Variants in TCERG1L observed in about 807,000 individuals in gnomAD.
The protein encoded by TCERG1L is transcription elongation regulator 1 like, also known as transcription elongation regulator 1-like protein.
Under a neutral mutation model 56.3 loss-of-function variants are expected in TCERG1L, and 37 were observed. That is an observed-to-expected ratio of 0.66 (90% CI 0.51 to 0.87). The LOEUF (loss-of-function observed/expected upper bound fraction) is 0.87, where lower values mean the gene tolerates loss of function less well. TCERG1L is among the 40% of genes least tolerant of loss of function. The pLI is 0.00. For synonymous variants in TCERG1L, 324 were observed against 326.3 expected (o/e 0.99, Z 0.08); for missense variants, 799 against 774.2 (o/e 1.03, Z -0.38).
chr10:131,119,349 T>C (rs1252075163), intron 8 of TCERG1L, among the ~76,000 whole-genome samples: 1 of 152,236 alleles, frequency 6.6e-6, no homozygotes, highest in Non-Finnish European at 1.5e-5. Context: ...ACTGTATTTA[T>C]AGACCCACTA....
intron 8 of TCERG1L, among the ~76,000 whole-genome samples, chr10:131,125,220 G>GGTGATGATGATGATT (rs1845553746): frequency 1.3e-5 from 2 of 152,020 alleles, no homozygotes; most frequent in Non-Finnish European, 2.9e-5. Context: ...TGATGATGAT[G>GGTGATGATGATGATT]GTGGTGGTGA....
chr10:131,154,362 T>A lies in TCERG1L; in HGVS notation c.1035-7702A>T, dbSNP rs753258871. Reference sequence around the variant, plus strand: ...CAGCTGGCTGGTGGGGAGGGAATGCTCCCCTCCCAGTCCCCCACTACACAA... The same window carrying A: ...CAGCTGGCTGGTGGGGAGGGAATGCACCCCTCCCAGTCCCCCACTACACAA... On this transcript the variant is annotated intron_variant, in intron 6 of 11. Coordinates refer to ENST00000368642, the MANE Select transcript of TCERG1L (RefSeq NM_174937.4). Among the ~76,000 whole-genome samples the A allele has an allele frequency of 9.1e-4, 138 of 152,136 alleles. 1 individual carries two copies. The highest frequency in any genetic ancestry group is 1.2e-3 in the Non-Finnish European group (82 of 67,984).
At chr10:131,164,383 A>T (rs952274256) in intron 5 of TCERG1L, among the ~76,000 whole-genome samples, 1 of 152,222 alleles carries the variant, frequency 6.6e-6, no homozygotes, top group Non-Finnish European at 1.5e-5. Context: ...TGTATGACAG[A>T]CCGCAGGTCT....
chr10:131,241,314 T>C (rs1273613631), intron 4 of TCERG1L, among the ~76,000 whole-genome samples: 1 of 151,926 alleles, frequency 6.6e-6, no homozygotes, highest in East Asian at 1.9e-4. Flanking sequence ...TAGGAAAAAG[T>C]CAAAGAGGCA....
At chr10:131,203,700 C>T (rs1456318959) in intron 4 of TCERG1L, among the ~76,000 whole-genome samples, 1 of 152,160 alleles carries the variant, frequency 6.6e-6, no homozygotes, top group Non-Finnish European at 1.5e-5. Context: ...CCAGTAGGGG[C>T]CGGGAGGTGG....
intron 3 of TCERG1L, among the ~76,000 whole-genome samples, chr10:131,262,756 T>C (rs1339090962): frequency 1.3e-5 from 2 of 152,138 alleles, no homozygotes; most frequent in Non-Finnish European, 2.9e-5. Flanking sequence ...TTCACAGCCA[T>C]TGTACCACCA....
chr10:131,246,642 C>T (rs947392008), intron 4 of TCERG1L, among the ~76,000 whole-genome samples: 3 of 152,100 alleles, frequency 2.0e-5, no homozygotes, highest in Non-Finnish European at 2.9e-5. Context: ...GGGAGCTCCT[C>T]CTTCCGTGGT....
chr10:131,191,477 A>G (rs1845300996), intron 4 of TCERG1L, among the ~76,000 whole-genome samples: 1 of 144,010 alleles, frequency 6.9e-6, no homozygotes, highest in Non-Finnish European at 1.5e-5. Flanking sequence ...CTGGACCTCA[A>G]ATTATACTAT....
chr10:131,242,137 A>T (rs1020106), intron 4 of TCERG1L, among the ~76,000 whole-genome samples: 48,205 of 152,058 alleles, frequency 0.32, 8,123 homozygotes, highest in East Asian at 0.54. Flanking sequence ...CCAGCAAGTG[A>T]GATTGTGAAC....
chr10:131,136,071 C>T (rs1051895064), intron 7 of TCERG1L, among the ~76,000 whole-genome samples: 5 of 152,222 alleles, frequency 3.3e-5, no homozygotes, highest in Admixed American at 3.3e-4. Flanking sequence ...AACGAAAATG[C>T]CTCCAGAAGT....
intron 4 of TCERG1L, among the ~76,000 whole-genome samples, chr10:131,216,134 A>G (rs1360743538): frequency 6.6e-6 from 1 of 152,186 alleles, no homozygotes; most frequent in Non-Finnish European, 1.5e-5. Context: ...ACATTAGCAA[A>G]ATCCAGCCAG....
chr10:131,156,833 C>T (rs10765044), intron 6 of TCERG1L, among the ~76,000 whole-genome samples: 40,022 of 151,970 alleles, frequency 0.26, 5,774 homozygotes, highest in Middle Eastern at 0.37. Context: ...TTAAAAGGGA[C>T]AGGAATTGCT....
At chr10:131,276,305 C>T (rs909029589) in intron 3 of TCERG1L, among the ~76,000 whole-genome samples, 43 of 152,212 alleles carry the variant, frequency 2.8e-4, no homozygotes, top group African/African-American at 8.9e-4. Flanking sequence ...ACGAAAGCTA[C>T]AGCAGGCAGA....
chr10:131,279,277 G>C (rs934798957), intron 3 of TCERG1L, among the ~76,000 whole-genome samples: 14 of 152,236 alleles, frequency 9.2e-5, no homozygotes, highest in Non-Finnish European at 1.6e-4. Flanking sequence ...AGGTGAGAGG[G>C]GGAGGAAGGA....
intron 4 of TCERG1L, among the ~76,000 whole-genome samples, chr10:131,168,324 C>T (rs1372536274): frequency 6.6e-6 from 1 of 152,166 alleles, no homozygotes; most frequent in African/African-American, 2.4e-5. Flanking sequence ...AACTGGGGCC[C>T]CTCTGCAGCT....
intron 8 of TCERG1L, among the ~76,000 whole-genome samples, chr10:131,126,043 C>T (rs1020481633): frequency 6.6e-6 from 1 of 152,208 alleles, no homozygotes; most frequent in Non-Finnish European, 1.5e-5. Context: ...GGGACCTGTG[C>T]CCCAGCCACA....
intron 4 of TCERG1L, among the ~76,000 whole-genome samples, chr10:131,247,120 A>G (rs185244832): frequency 5.7e-4 from 87 of 152,228 alleles, no homozygotes; most frequent in Non-Finnish European, 1.1e-3. Flanking sequence ...GTGCCATCCC[A>G]AAACAGGAAA....
intron 3 of TCERG1L, among the ~76,000 whole-genome samples, chr10:131,277,765 A>C (rs529523182): frequency 6.6e-6 from 1 of 152,288 alleles, no homozygotes; most frequent in Non-Finnish European, 1.5e-5. Context: ...GGAAGCAGGG[A>C]TGAGCCCTGA....
At chr10:131,211,748 C>A (rs1845623062) in intron 4 of TCERG1L, among the ~76,000 whole-genome samples, 1 of 152,158 alleles carries the variant, frequency 6.6e-6, no homozygotes, top group Non-Finnish European at 1.5e-5. Context: ...TGAGAACGAG[C>A]CCCACCCCAA....
Sources: allele counts gnomAD v4.1 joint callset (sites outside exome capture counted in the v4.1 genomes callset), GRCh38; gene constraint gnomAD v4.1.1; transcripts MANE v1.5; gene names NCBI Gene and HGNC (gene_info 2026-07-23, HGNC 2026-07-21).